The following ANO4 variants were observed in gnomAD, a reference collection of about 807,000 sequenced individuals.
ANO4 encodes anoctamin 4.
In ANO4, 69 loss-of-function variants were observed where a neutral mutation model predicts 141.9. The observed-to-expected ratio is 0.49, with a 90% CI of 0.40 to 0.59. The LOEUF (loss-of-function observed/expected upper bound fraction) is 0.59, where lower values mean the gene tolerates loss of function less well. ANO4 is among the 20% of genes least tolerant of loss of function. The pLI is 0.00. For synonymous variants in ANO4, 350 were observed against 394.3 expected (o/e 0.89, Z 1.33); for missense variants, 894 against 1,162.2 (o/e 0.77, Z 3.36).
At chr12:100,932,668 T>G (rs1322921975) in intron 3 of ANO4, among the ~76,000 whole-genome samples, 1 of 152,102 alleles carries the variant, frequency 6.6e-6, no homozygotes, top group African/African-American at 2.4e-5. Flanking sequence ...CCAAAGTAAA[T>G]TCACCTTTTC....
At chr12:101,118,541 C>T (rs2050949233) in intron 25 of ANO4, among the ~76,000 whole-genome samples, 1 of 152,068 alleles carries the variant, frequency 6.6e-6, no homozygotes, top group Admixed American at 6.6e-5. Context: ...AGCTTGCGGG[C>T]TGAAAATATC....
rs146048266 is a variant in ANO4, at chr12:100,864,320, TAGA to T, written c.-140-37325_-140-37323del. Among the ~76,000 whole-genome samples, 180 of 152,128 alleles carry T rather than the reference TAGA, an allele frequency of 1.2e-3. 3 individuals are homozygous for T. The East Asian group carries it at 0.032, about 27-fold the overall frequency. ...CCATTTTACACGAATTACATGGAAG[TAGA>T]GGAGGAAAGGCAGGCCCCCAAGAAA... On this transcript the variant is annotated intron_variant, in intron 1 of 27. Coordinates refer to ENST00000392977, the MANE Select transcript of ANO4 (RefSeq NM_001286615.2).
upstream of ANO4, chr12:100,717,434 T>G (rs570900126): frequency 7.2e-5 from 28 of 391,486 alleles, no homozygotes; most frequent in Admixed American, 4.5e-4. Flanking sequence ...GCCAAGCGCA[T>G]GCACTCGCCG....
chr12:100,970,737 C>G (rs967628307), intron 5 of ANO4, among the ~76,000 whole-genome samples: 1 of 131,234 alleles, frequency 7.6e-6, no homozygotes, highest in African/African-American at 2.9e-5. Context: ...TTCTTTCTTT[C>G]GACAGAGACT....
intron 1 of ANO4, among the ~76,000 whole-genome samples, chr12:100,722,511 C>T (rs1208440436): frequency 6.6e-6 from 1 of 152,154 alleles, no homozygotes; most frequent in Non-Finnish European, 1.5e-5. Flanking sequence ...CTCTGAACGA[C>T]TCCCTCCTTC....
chr12:101,105,027 A>G (rs1004302404), intron 22 of ANO4, among the ~76,000 whole-genome samples: 1 of 152,174 alleles, frequency 6.6e-6, no homozygotes, highest in Non-Finnish European at 1.5e-5. Context: ...TTATTGAATA[A>G]TGCAACACTT....
intron 1 of ANO4, among the ~76,000 whole-genome samples, chr12:100,812,508 A>G (rs1217453737): frequency 6.6e-6 from 1 of 152,184 alleles, no homozygotes. Context: ...AATAATGTGT[A>G]TACATACATA....
chr12:100,787,344 C>T (rs1007114661), intron 3 of ANO4, among the ~76,000 whole-genome samples: 3 of 152,116 alleles, frequency 2.0e-5, no homozygotes, highest in African/African-American at 7.2e-5. Context: ...AAGCCTGTGC[C>T]AGGACCCTGA....
intron 3 of ANO4, among the ~76,000 whole-genome samples, chr12:100,763,454 G>A (rs2032959151): frequency 6.6e-6 from 1 of 152,156 alleles, no homozygotes; most frequent in African/African-American, 2.4e-5. Flanking sequence ...TACTCCAGAG[G>A]GTATTTGATA....
chr12:100,938,534 C>T (rs532756635), intron 3 of ANO4, among the ~76,000 whole-genome samples: 1 of 152,310 alleles, frequency 6.6e-6, no homozygotes, highest in Middle Eastern at 3.4e-3. Flanking sequence ...AATGCTGGCC[C>T]ATAATTGAAG....
chr12:100,785,677 T>G (rs1045106387), intron 3 of ANO4, among the ~76,000 whole-genome samples: 2 of 152,230 alleles, frequency 1.3e-5, no homozygotes, highest in African/African-American at 4.8e-5. Flanking sequence ...TTCCAAGTTT[T>G]GGCAATTATG....
intron 1 of ANO4, among the ~76,000 whole-genome samples, chr12:100,874,573 G>T (rs1027366156): frequency 6.6e-6 from 1 of 152,102 alleles, no homozygotes; most frequent in Admixed American, 6.5e-5. Flanking sequence ...AGGCTGGAAT[G>T]CAGTGGCATG....
chr12:100,727,720 C>G (rs932616407), intron 1 of ANO4, among the ~76,000 whole-genome samples: 1 of 151,938 alleles, frequency 6.6e-6, no homozygotes, highest in African/African-American at 2.4e-5. Context: ...TTTGTTCTTT[C>G]TCTGTATTTT....
At chr12:100,803,378 T>G (rs913522654) in intron 1 of ANO4, among the ~76,000 whole-genome samples, 1 of 152,142 alleles carries the variant, frequency 6.6e-6, no homozygotes, top group Non-Finnish European at 1.5e-5. Flanking sequence ...TAAATGTCAG[T>G]GAATAAACAA....
intron 3 of ANO4, among the ~76,000 whole-genome samples, chr12:100,927,972 AC>A (rs2041939214): frequency 6.6e-6 from 1 of 152,118 alleles, no homozygotes; most frequent in Non-Finnish European, 1.5e-5. Flanking sequence ...TTGTGCTTGC[AC>A]GTGTGTCTAC....
chr12:101,015,049 C>G (rs1282773474), intron 8 of ANO4, among the ~76,000 whole-genome samples: 1 of 150,198 alleles, frequency 6.7e-6, no homozygotes, highest in Admixed American at 6.7e-5. Context: ...TCTTGAACTT[C>G]TGGCTTCAAG....
At chr12:100,922,067 CTTT>C (rs71820018) in intron 2 of ANO4, among the ~76,000 whole-genome samples, 156 bp from the exon 3 acceptor site, 1 of 142,468 alleles carries the variant, frequency 7.0e-6, no homozygotes. Context: ...GTATATGTTC[CTTT>C]TTTTTTTTTT....
intron 14 of ANO4, among the ~76,000 whole-genome samples, chr12:101,070,488 A>G (rs1242691544): frequency 9.9e-5 from 15 of 152,162 alleles, no homozygotes; most frequent in Non-Finnish European, 4.4e-5. Context: ...CTAGACCCTT[A>G]TCTTTCCGCA....
rs117609384 is a variant in ANO4, at chr12:101,019,980, A to T, written c.735-54A>T. ...GCAACACCAAATTATAACAAAAATT[A>T]GATCCTTCACCTCCGATTAATTCTC... On this transcript the variant is annotated intron_variant, in intron 8 of 27. Coordinates refer to ENST00000392977, the MANE Select transcript of ANO4 (RefSeq NM_001286615.2). The T allele has an allele frequency of 2.2e-3, 3,077 of 1,426,294 alleles. 50 individuals carry two copies. In the South Asian group the frequency reaches 0.023, roughly 11 times the overall value. 88.4% of individuals were successfully genotyped at this position (1,426,294 alleles called of 1,614,324 possible).
Sources: gnomAD v4.1 joint callset for allele counts (sites outside exome capture counted in the v4.1 genomes callset) on GRCh38, gnomAD v4.1.1 for gene constraint, MANE v1.5 for transcripts, NCBI Gene and HGNC (gene_info 2026-07-23, HGNC 2026-07-21) for gene names.